The following ZDHHC7 variants were observed in gnomAD, a reference collection of about 807,000 sequenced individuals.
ZDHHC7 encodes zDHHC palmitoyltransferase 7, also known as palmitoyltransferase ZDHHC7.
A neutral mutation model predicts 34.1 loss-of-function variants in ZDHHC7; 12 were observed. The ratio of observed to expected loss-of-function variants is 0.35; its 90% CI spans 0.23 to 0.57. The LOEUF is 0.57. ZDHHC7 is among the 20% of genes least tolerant of loss of function. The pLI, the probability that ZDHHC7 is intolerant of heterozygous loss-of-function variation, is 0.84. For synonymous variants in ZDHHC7, 185 were observed against 155.4 expected, an observed-to-expected ratio of 1.19 and a Z score of -1.42; for missense variants, 388 against 402.7, an observed-to-expected ratio of 0.96 and a Z score of 0.31.
At chr16:84,995,677 G>A (rs752249480) in intron 2 of ZDHHC7, among the ~76,000 whole-genome samples, 40 of 152,104 alleles carry the variant, frequency 2.6e-4, no homozygotes, top group Non-Finnish European at 4.7e-4. Flanking sequence ...GGTGGAAAGC[G>A]GGGTATTCCC....
Position 84,976,339 on chromosome 16 carries a change from C to T in ZDHHC7, c.*4G>A, listed in dbSNP as rs79668208. 1.1e-3 allele frequency: 1,833 copies of T among 1,613,418 alleles called. 10 individuals carry two copies. In the African/African-American group the frequency reaches 0.019, roughly 17 times the overall value. On this transcript the variant is annotated 3_prime_UTR_variant, in exon 8 of 8. Transcript: ENST00000313732. ...GAGCAAGTTTCAGTCTGATGAGCCA[C>T]GCCTCACACTGAGAACTCCGGGCCA...
At chr16:85,022,821 T>C in the ZDHHC7 span, among the ~76,000 whole-genome samples, 2 of 152,198 alleles carry the variant, frequency 1.3e-5, no homozygotes, top group African/African-American at 4.8e-5. Flanking sequence ...TCACTATGAA[T>C]TGCTGTTGCT....
chr16:84,990,754 G>T, intron 2 of ZDHHC7, 119 bp from the exon 3 acceptor site: 1 of 767,218 alleles, frequency 1.3e-6, no homozygotes, highest in South Asian at 1.9e-5. Context: ...TACACATAGT[G>T]GGAAAGAACA....
At chr16:84,991,653 C>G (rs1230100598) in intron 2 of ZDHHC7, among the ~76,000 whole-genome samples, 1 of 151,330 alleles carries the variant, frequency 6.6e-6, no homozygotes, top group Non-Finnish European at 1.5e-5. Context: ...CCTTTGTTGC[C>G]CAAGCTGGAG....
chr16:85,015,750 G>A (rs2072831506), upstream of ZDHHC7, among the ~76,000 whole-genome samples: 1 of 151,912 alleles, frequency 6.6e-6, no homozygotes, highest in Admixed American at 6.6e-5. Context: ...GGGGGTTGAA[G>A]TGGGAGGACT....
At chr16:85,012,962 C>T (rs1170974169), upstream of ZDHHC7, among the ~76,000 whole-genome samples, 1 of 152,028 alleles carries the variant, frequency 6.6e-6, no homozygotes, top group Non-Finnish European at 1.5e-5. Context: ...GCCTCTTCGA[C>T]AGAAAAATTA....
intron 6 of ZDHHC7, among the ~76,000 whole-genome samples, chr16:84,977,705 C>T (rs888789961): frequency 6.6e-6 from 1 of 152,180 alleles, no homozygotes; most frequent in Non-Finnish European, 1.5e-5. Context: ...TGAACAATGG[C>T]GAGCTAGCTG....
chr16:85,000,065 C>A (rs771634258), intron 1 of ZDHHC7, among the ~76,000 whole-genome samples: 1 of 151,718 alleles, frequency 6.6e-6, no homozygotes, highest in Non-Finnish European at 1.5e-5. Flanking sequence ...GCTTGAGTCT[C>A]GGAGGTCGAG....
intron 1 of ZDHHC7, among the ~76,000 whole-genome samples, chr16:85,001,530 G>A (rs1304257780): frequency 5.3e-5 from 8 of 151,484 alleles, no homozygotes; most frequent in Non-Finnish European, 1.0e-4. Context: ...TGTTGGGGTG[G>A]AAGTTTCCAG....
Position 84,990,545 on chromosome 16 carries a change from G to C in ZDHHC7, c.74C>G (p.Ser25Cys). 6.2e-7 allele frequency: 1 copy of C among 1,614,184 alleles called. No individual in the cohort carries two copies. Among genetic ancestry groups the C allele is most frequent in the African/African-American group, 1.3e-5 (1 of 75,056 alleles). The change falls in exon 3 of 8, where the codon TCT (serine) becomes TGT (cysteine). Residue 25 changes from serine (S) to cysteine (C), a missense_variant. Ser to Cys is a moderately radical substitution (Grantham distance 112, BLOSUM62 -1). Transcript: ENST00000313732. ...PLLAENDNYD[S>C]SSSSSSEADV... ...AGCCTCGGAGGAGGAGGACGATGAA[G>C]AGTCATAGTTGTCATTTTCAGCCAG...
In ZDHHC7 at chr16:84,982,003, T is replaced by C; in HGVS notation, c.316-9A>G. 2 of 1,613,896 alleles carry C rather than the reference T, an allele frequency of 1.2e-6. No individual in the cohort carries two copies. Among genetic ancestry groups the C allele is most frequent in the South Asian group, 1.1e-5 (1 of 91,076 alleles). On this transcript the variant is annotated splice_polypyrimidine_tract_variant and intron_variant, in intron 3 of 7. Transcript: ENST00000313732. ...CCTTTGGGTACTGCCCCCTACCATA[T>C]AAGAAGAATGTACTTTAGTTGGGGA...
intron 1 of ZDHHC7, among the ~76,000 whole-genome samples, chr16:85,004,719 A>G (rs2072696212): frequency 6.6e-6 from 1 of 152,136 alleles, no homozygotes; most frequent in Non-Finnish European, 1.5e-5. Flanking sequence ...TTGAGTGAAT[A>G]AGTAAGGGAA....
At chr16:84,987,706 T>C (rs2072454908) in intron 3 of ZDHHC7, among the ~76,000 whole-genome samples, 1 of 152,162 alleles carries the variant, frequency 6.6e-6, no homozygotes, top group South Asian at 2.1e-4. Flanking sequence ...CAGATGCCCA[T>C]CAACTAACGA....
rs200860973 is a variant in ZDHHC7 at position 84,976,418 on chromosome 16, C to G, written c.852G>C (p.Met284Ile). The G allele has an allele frequency of 1.2e-6, 2 of 1,614,168 alleles. No homozygotes were observed. The highest frequency in any genetic ancestry group is 4.5e-5 in the East Asian group (2 of 44,874). Residue 284 changes from methionine to isoleucine, a missense_variant, in exon 8 of 8, where the codon ATG becomes ATC. Physicochemically the swap from Met to Ile is conservative, Grantham distance 10. Transcript: ENST00000313732. ...VFGGPPSLLWMNPFVGFRFRR... is the reference protein window; with the variant it reads ...VFGGPPSLLWINPFVGFRFRR... ...TAAATCGGAAGCCCACAAAGGGATTCATCCAGAGGAGTGAGGGGGGCCCCC... is the reference window on the plus strand; with the variant it reads ...TAAATCGGAAGCCCACAAAGGGATTGATCCAGAGGAGTGAGGGGGGCCCCC...
intron 3 of ZDHHC7, among the ~76,000 whole-genome samples, chr16:84,983,469 C>G (rs1039848146): frequency 6.6e-6 from 1 of 152,054 alleles, no homozygotes; most frequent in African/African-American, 2.4e-5. Context: ...GGGCTACCAA[C>G]AGGCCAGAGC....
chr16:85,017,969 A>G, the ZDHHC7 span, among the ~76,000 whole-genome samples: 1 of 152,112 alleles, frequency 6.6e-6, no homozygotes, highest in Non-Finnish European at 1.5e-5. Context: ...GGTGCCACCC[A>G]TTTTTACATC....
the ZDHHC7 span, among the ~76,000 whole-genome samples, chr16:85,026,067 C>T: frequency 3.9e-5 from 6 of 152,332 alleles, no homozygotes; most frequent in East Asian, 1.9e-4. Flanking sequence ...AAACCTTCTA[C>T]GAAGTCAGGA....
chr16:84,986,280 G>T (rs1297040613), intron 3 of ZDHHC7, among the ~76,000 whole-genome samples: 1 of 152,208 alleles, frequency 6.6e-6, no homozygotes, highest in African/African-American at 2.4e-5. Context: ...GGGCTCTGAA[G>T]ATAGACAATC....
intron 2 of ZDHHC7, among the ~76,000 whole-genome samples, chr16:84,993,780 G>C (rs1221464492): frequency 6.6e-6 from 1 of 152,134 alleles, no homozygotes; most frequent in Non-Finnish European, 1.5e-5. Context: ...TACATCTTCT[G>C]CATCTGTCTG....
Sources: allele counts gnomAD v4.1 joint callset (sites outside exome capture counted in the v4.1 genomes callset), GRCh38; gene constraint gnomAD v4.1.1; transcripts MANE v1.5; gene names NCBI Gene and HGNC (gene_info 2026-07-23, HGNC 2026-07-21).